The following SEMA6D variants were observed in gnomAD, a reference collection of about 807,000 sequenced individuals.
SEMA6D encodes semaphorin 6D, also known as semaphorin-6D.
Under a neutral mutation model 106.6 loss-of-function variants are expected in SEMA6D, and 35 were observed. The ratio of observed to expected loss-of-function variants is 0.33; its 90% CI spans 0.25 to 0.44. The LOEUF is 0.44. Among genes scored for constraint, SEMA6D ranks in the 20% least tolerant of loss-of-function variants. The pLI is 1.00. For synonymous variants in SEMA6D, 499 were observed against 487.7 expected, an observed-to-expected ratio of 1.02 and a Z score of -0.31; for missense variants, 1,185 against 1,345.9, an observed-to-expected ratio of 0.88 and a Z score of 1.87.
intron 1 of SEMA6D, among the ~76,000 whole-genome samples, chr15:47,189,846 A>G (rs889316999): frequency 3.9e-5 from 6 of 152,234 alleles, no homozygotes; most frequent in African/African-American, 1.4e-4. Context: ...TTAGTACACT[A>G]AATGTGCTTC....
chr15:47,402,286 G>A (rs554039107), intron 1 of SEMA6D, among the ~76,000 whole-genome samples: 2 of 152,316 alleles, frequency 1.3e-5, no homozygotes, highest in African/African-American at 4.8e-5. Flanking sequence ...GGTTCTTCTT[G>A]AGTATTTCTC....
At chr15:47,575,026 T>C (rs2076132344) in intron 3 of SEMA6D, among the ~76,000 whole-genome samples, 1 of 152,204 alleles carries the variant, frequency 6.6e-6, no homozygotes, top group Non-Finnish European at 1.5e-5. Context: ...GTTTACAAAA[T>C]GAGAGGACTT....
chr15:47,541,180 G>A (rs1487910019), intron 3 of SEMA6D, among the ~76,000 whole-genome samples: 1 of 152,108 alleles, frequency 6.6e-6, no homozygotes, highest in Non-Finnish European at 1.5e-5. Flanking sequence ...AAAGAACATT[G>A]CAAATAAGAA....
intron 1 of SEMA6D, among the ~76,000 whole-genome samples, chr15:47,202,475 C>T (rs971597968): frequency 3.0e-4 from 45 of 152,044 alleles, no homozygotes; most frequent in Admixed American, 3.0e-3. Flanking sequence ...CCAGTAGACA[C>T]ACTGTACATG....
chr15:47,705,808 GC>G (rs2078902427), intron 4 of SEMA6D, among the ~76,000 whole-genome samples: 1 of 152,186 alleles, frequency 6.6e-6, no homozygotes, highest in Non-Finnish European at 1.5e-5. Context: ...GCACTACGAA[GC>G]ATTTTGGCTT....
intron 2 of SEMA6D, among the ~76,000 whole-genome samples, chr15:47,415,208 TATG>T (rs2040924114): frequency 6.6e-6 from 1 of 152,194 alleles, no homozygotes; most frequent in Non-Finnish European, 1.5e-5. Flanking sequence ...CTTATTAAAT[TATG>T]ATAACAACAA....
rs145666824 is a variant in SEMA6D at position 47,403,440 on chromosome 15, G to A, written c.-238-8953G>A. ...TATCATCTCAGTTCAATTTAGTGCG[G>A]GTCAATAAAAATTTAGTGAGCATCT... On this transcript the variant is annotated intron_variant, in intron 1 of 19. Transcript: ENST00000558014. Among the ~76,000 whole-genome samples, 3 of 152,144 alleles carry A rather than the reference G, an allele frequency of 2.0e-5. No homozygotes were observed. The East Asian group carries it at 5.8e-4, about 29-fold the overall frequency.
At chr15:47,524,044 C>T (rs753326740) in intron 3 of SEMA6D, among the ~76,000 whole-genome samples, 2 of 152,084 alleles carry the variant, frequency 1.3e-5, no homozygotes, top group South Asian at 2.1e-4. Context: ...CAAGGAGAGG[C>T]GAGGGACGTG....
intron 1 of SEMA6D, among the ~76,000 whole-genome samples, chr15:47,193,579 T>C (rs1431512202): frequency 6.6e-6 from 1 of 152,242 alleles, no homozygotes; most frequent in Non-Finnish European, 1.5e-5. Context: ...CATTACACTT[T>C]GAATGGAATC....
chr15:47,602,301 T>A (rs1270134468), intron 4 of SEMA6D, among the ~76,000 whole-genome samples: 1 of 152,202 alleles, frequency 6.6e-6, no homozygotes, highest in East Asian at 1.9e-4. Flanking sequence ...ATAATTACAT[T>A]ACAGGCAATC....
At chr15:47,360,701 T>C (rs919645442) in intron 1 of SEMA6D, among the ~76,000 whole-genome samples, 3 of 152,218 alleles carry the variant, frequency 2.0e-5, no homozygotes, top group Non-Finnish European at 4.4e-5. Context: ...TCTCCTCATA[T>C]GGCAATTCAA....
chr15:47,257,292 C>T (rs1006641458), intron 1 of SEMA6D, among the ~76,000 whole-genome samples: 1 of 152,228 alleles, frequency 6.6e-6, no homozygotes, highest in Non-Finnish European at 1.5e-5. Context: ...CTCCTGACTT[C>T]GTGATCCACC....
At chr15:47,273,462 A>G (rs16959124) in intron 1 of SEMA6D, among the ~76,000 whole-genome samples, 2,605 of 152,312 alleles carry the variant, frequency 0.017, 49 homozygotes, top group African/African-American at 0.02. Context: ...TGATAGTGCT[A>G]ATAGCTATAT....
chr15:47,202,934 A>G (rs1476945994), intron 1 of SEMA6D, among the ~76,000 whole-genome samples: 1 of 152,168 alleles, frequency 6.6e-6, no homozygotes, highest in Non-Finnish European at 1.5e-5. Flanking sequence ...GGTGTATAAA[A>G]TATGTCTGAG....
At chr15:47,290,139 C>T (rs1211646861) in intron 1 of SEMA6D, among the ~76,000 whole-genome samples, 1 of 152,190 alleles carries the variant, frequency 6.6e-6, no homozygotes. Flanking sequence ...GATACATTCA[C>T]ATCTCTGGTT....
intron 1 of SEMA6D, among the ~76,000 whole-genome samples, chr15:47,747,009 T>TATATA (rs1555422803): frequency 1.3e-5 from 2 of 150,438 alleles, no homozygotes; most frequent in Admixed American, 6.6e-5. Context: ...TATATTTCGA[T>TATATA]TGTAGAAGGT....
In SEMA6D at chr15:47,475,891, C is replaced by T. The variant is rs373940995; in HGVS notation, c.-87+5346C>T. Among the ~76,000 whole-genome samples the T allele has an allele frequency of 8.1e-4, 123 of 152,278 alleles. 3 individuals carry two copies. In the South Asian group the frequency reaches 0.019, roughly 24 times the overall value. On this transcript the variant is annotated intron_variant, in intron 3 of 19. Coordinates refer to the SEMA6D transcript ENST00000558014. ...CTCTGTATTATTTTATTAAACAGCC[C>T]TGGCTAAAGATCAGAAAGAATACAT...
chr15:47,523,662 C>G (rs1038485311), intron 3 of SEMA6D, among the ~76,000 whole-genome samples: 4 of 152,204 alleles, frequency 2.6e-5, no homozygotes. Flanking sequence ...TGTCCACCAT[C>G]TATTTTTGAA....
intron 1 of SEMA6D, among the ~76,000 whole-genome samples, chr15:47,280,181 A>G (rs1254830825): frequency 6.6e-6 from 1 of 152,116 alleles, no homozygotes; most frequent in East Asian, 1.9e-4. Context: ...TTGGTAAGCT[A>G]TTGATTATTG....
Sources: gnomAD v4.1 joint callset for allele counts (sites outside exome capture counted in the v4.1 genomes callset) on GRCh38, gnomAD v4.1.1 for gene constraint, MANE v1.5 for transcripts, NCBI Gene and HGNC (gene_info 2026-07-23, HGNC 2026-07-21) for gene names.